ARID5B: variants seen among roughly 807,000 people sequenced by gnomAD.
ARID5B encodes the protein AT-rich interactive domain-containing protein 5B.
In ARID5B, 13 loss-of-function variants were observed where a neutral mutation model predicts 97.2. That is an observed-to-expected ratio of 0.13 (90% confidence interval 0.09 to 0.21). The LOEUF (loss-of-function observed/expected upper bound fraction) is 0.21, where lower values mean the gene tolerates loss of function less well. ARID5B is among the 10% of genes least tolerant of loss of function. The probability of loss-of-function intolerance (pLI) is 1.00; values close to 1 mark genes in which losing one functional copy is unlikely to be tolerated. For missense variants in ARID5B, 1,210 were observed against 1,465.3 expected, an observed-to-expected ratio of 0.83 and a Z score of 2.84; for synonymous variants, 556 against 570.3, an observed-to-expected ratio of 0.97 and a Z score of 0.36.
intron 3 of ARID5B, among the ~76,000 whole-genome samples, chr10:61,985,739 T>C (rs1011437568): frequency 6.6e-6 from 1 of 152,088 alleles, no homozygotes; most frequent in Non-Finnish European, 1.5e-5. Flanking sequence ...GTGTGTATGA[T>C]GAGAATCAGG....
intron 3 of ARID5B, among the ~76,000 whole-genome samples, chr10:61,953,697 C>T (rs1282162672): frequency 2.0e-5 from 3 of 152,160 alleles, no homozygotes; most frequent in Non-Finnish European, 4.4e-5. Flanking sequence ...TTTCACTCTG[C>T]TTTGATTGCT....
chr10:62,073,639 T>G, intron 8 of ARID5B, among the ~76,000 whole-genome samples: 1 of 152,236 alleles, frequency 6.6e-6, no homozygotes, highest in Non-Finnish European at 1.5e-5. Flanking sequence ...GTTTTTAATA[T>G]TAGTACCAGG....
intron 4 of ARID5B, among the ~76,000 whole-genome samples, chr10:62,010,227 C>G (rs1839198723): frequency 6.6e-6 from 1 of 152,130 alleles, no homozygotes; most frequent in Admixed American, 6.6e-5. Context: ...GAGTGAGGTG[C>G]CTGCTTGGTT....
intron 4 of ARID5B, among the ~76,000 whole-genome samples, chr10:62,037,284 G>A (rs776978007): frequency 8.5e-5 from 13 of 152,188 alleles, no homozygotes; most frequent in African/African-American, 1.4e-4. Context: ...GGTTAATAAC[G>A]TCAAAAGAAT....
intron 2 of ARID5B, among the ~76,000 whole-genome samples, chr10:61,929,017 G>T (rs542927365): frequency 6.6e-6 from 1 of 152,236 alleles, no homozygotes; most frequent in Admixed American, 6.5e-5. Context: ...GTCTCCATTG[G>T]TGCACACCAG....
At chr10:62,055,419 ACAGCGT>A (rs1298511164) in intron 5 of ARID5B, among the ~76,000 whole-genome samples, 4 of 152,160 alleles carry the variant, frequency 2.6e-5, no homozygotes, top group African/African-American at 9.7e-5. Context: ...TAACACATAA[ACAGCGT>A]TGAGAATGGA....
intron 4 of ARID5B, chr10:62,024,536 T>A: frequency 2.8e-6 from 1 of 363,206 alleles, no homozygotes; most frequent in Non-Finnish European, 4.9e-6. Context: ...CGGGACTTTA[T>A]CTCTTTGGGT....
At chr10:61,950,950 G>A (rs1409561044) in intron 3 of ARID5B, among the ~76,000 whole-genome samples, 1 of 152,160 alleles carries the variant, frequency 6.6e-6, no homozygotes, top group Non-Finnish European at 1.5e-5. Flanking sequence ...GGTTCTGTGA[G>A]CAGGTATCTG....
At chr10:62,052,697 T>A (rs1258422025) in intron 5 of ARID5B, among the ~76,000 whole-genome samples, 2 of 152,198 alleles carry the variant, frequency 1.3e-5, no homozygotes, top group Non-Finnish European at 2.9e-5. Flanking sequence ...GCTATACAGA[T>A]GGGCCATATT....
intron 3 of ARID5B, among the ~76,000 whole-genome samples, chr10:61,965,827 A>G (rs1003528402): frequency 2.6e-5 from 4 of 152,228 alleles, no homozygotes; most frequent in African/African-American, 7.2e-5. Flanking sequence ...CCATAATCTC[A>G]AAGAGGTAGG....
chr10:61,973,450 AT>A (rs1377711412), intron 3 of ARID5B, among the ~76,000 whole-genome samples: 1 of 152,222 alleles, frequency 6.6e-6, no homozygotes, highest in South Asian at 2.1e-4. Flanking sequence ...GGAAACATTC[AT>A]TCCACTATTT....
chr10:61,928,012 G>A (rs560161282), intron 2 of ARID5B, among the ~76,000 whole-genome samples: 19 of 152,198 alleles, frequency 1.2e-4, no homozygotes, highest in Non-Finnish European at 1.9e-4. Flanking sequence ...TGCTGGGAGC[G>A]GGAGGAAGGG....
At chr10:61,916,309 G>A (rs1041607009) in intron 2 of ARID5B, among the ~76,000 whole-genome samples, 18 of 152,112 alleles carry the variant, frequency 1.2e-4, no homozygotes, top group Admixed American at 6.5e-4. Context: ...TATTAGCACA[G>A]AGCCATGCCC....
At position 62,093,730 on chromosome 10, in the gene ARID5B, T is replaced by C. The variant is rs1352129197; in HGVS notation, c.*700T>C. 4.3e-6 allele frequency: 1 copy of C among 232,384 alleles called. No individual in the cohort carries two copies. The highest frequency in any genetic ancestry group is 8.5e-6 in the Non-Finnish European group (1 of 117,836). The allele number at this position is 232,384 out of a possible 1,614,324, so 14.4% of individuals were successfully genotyped here. A position where few individuals can be genotyped will look rare whatever the true frequency, so the allele number is the denominator to read the frequency against. ...GGTCTTTTTGTTTTTGTTTTGTTTT[T>C]GAGGCTGACTGACTGTCCTAGTTGT... On this transcript the variant is annotated 3_prime_UTR_variant, in exon 10 of 10. Transcript: ENST00000279873.
At chr10:62,086,047 A>G in intron 9 of ARID5B, 147 bp downstream of exon 9, 2 of 842,584 alleles carry the variant, frequency 2.4e-6, no homozygotes, top group East Asian at 2.5e-5. Flanking sequence ...AGTTCCCCAC[A>G]TAGTTCCCCA....
At chr10:61,968,213 C>A (rs1838574551) in intron 3 of ARID5B, among the ~76,000 whole-genome samples, 1 of 148,738 alleles carries the variant, frequency 6.7e-6, no homozygotes, top group African/African-American at 2.5e-5. Context: ...CACACACACA[C>A]AAACACAGTT....
intron 2 of ARID5B, among the ~76,000 whole-genome samples, chr10:61,936,517 C>A (rs1270923139): frequency 6.6e-6 from 1 of 152,182 alleles, no homozygotes; most frequent in Non-Finnish European, 1.5e-5. Flanking sequence ...ACTAAGGAGG[C>A]TGAGGCAGGA....
At chr10:61,902,556 G>C in intron 2 of ARID5B, 143 bp downstream of exon 2, 1 of 1,161,628 alleles carries the variant, frequency 8.6e-7, no homozygotes. Context: ...AGCGCCACTA[G>C]CTGGGGCTCG....
chr10:61,921,329 C>T (rs1477967181), intron 2 of ARID5B, among the ~76,000 whole-genome samples: 1 of 152,196 alleles, frequency 6.6e-6, no homozygotes, highest in Non-Finnish European at 1.5e-5. Flanking sequence ...TCCTCCCCAG[C>T]TGTGGCCATC....
Sources: allele counts gnomAD v4.1 joint callset (sites outside exome capture counted in the v4.1 genomes callset), GRCh38; gene constraint gnomAD v4.1.1; transcripts MANE v1.5; gene names NCBI Gene and HGNC (gene_info 2026-07-23, HGNC 2026-07-21).